The following DMD variants were observed in gnomAD, a reference collection of about 807,000 sequenced individuals.
The protein encoded by DMD is mutant dystrophin.
DMD carries 63 observed loss-of-function variants against 330.1 expected under a neutral mutation model. The observed-to-expected ratio is 0.19, with a 90% CI of 0.16 to 0.24. The LOEUF is 0.24. Ranked by LOEUF, DMD falls within the 10% of genes least tolerant of loss-of-function variation. The pLI, the probability that DMD is intolerant of heterozygous loss-of-function variation, is 1.00. For synonymous variants in DMD, 1,223 were observed against 959.8 expected (o/e 1.27, Z -5.07); for missense variants, 3,344 against 2,684.1 (o/e 1.25, Z -5.43).
intron 1 of DMD, among the ~76,000 whole-genome samples, chrX:33,176,893 T>C (rs138191903): frequency 1.7e-3 from 191 of 111,701 alleles, no homozygotes; most frequent in Middle Eastern, 4.6e-3. Flanking sequence ...GCCGAGATCA[T>C]GCCATTGCAC....
intron 44 of DMD, among the ~76,000 whole-genome samples, chrX:32,094,893 T>C (rs2096495886): frequency 9.0e-6 from 1 of 111,123 alleles, no homozygotes; most frequent in Non-Finnish European, 1.9e-5. Context: ...GAAATGATGG[T>C]TTTTGAGAGA....
chrX:32,187,889 A>G (rs2096954746), intron 44 of DMD, among the ~76,000 whole-genome samples: 1 of 111,372 alleles, frequency 9.0e-6, no homozygotes, highest in African/African-American at 3.2e-5. Context: ...CACAAAATGT[A>G]AATGTATTTC....
At chrX:31,364,885 TAGG>T (rs2059146327) in intron 60 of DMD, among the ~76,000 whole-genome samples, 1 of 109,889 alleles carries the variant, frequency 9.1e-6, no homozygotes, top group Non-Finnish European at 1.9e-5. Context: ...ATCACGAGAT[TAGG>T]AGATCGAGGC....
chrX:33,161,013 A>G (rs1400415993), intron 1 of DMD, among the ~76,000 whole-genome samples: 3 of 112,003 alleles, frequency 2.7e-5, no homozygotes, highest in African/African-American at 9.7e-5. Flanking sequence ...AACATATTCG[A>G]TATTCCAGAA....
intron 47 of DMD, among the ~76,000 whole-genome samples, chrX:31,884,019 A>G (rs1202609433): frequency 1.8e-5 from 2 of 111,858 alleles, no homozygotes; most frequent in Non-Finnish European, 1.9e-5. Context: ...AATGTGGAGA[A>G]AAGAGAACCC....
At chrX:32,613,752 G>C (rs1321431904) in intron 12 of DMD, among the ~76,000 whole-genome samples, 1 of 111,025 alleles carries the variant, frequency 9.0e-6, no homozygotes, top group Non-Finnish European at 1.9e-5. Context: ...AAATATGTTT[G>C]ATTTCTTTTC....
chrX:32,769,749 T>G (rs1363693376), intron 7 of DMD, among the ~76,000 whole-genome samples: 1 of 110,690 alleles, frequency 9.0e-6, no homozygotes, highest in Non-Finnish European at 1.9e-5. Flanking sequence ...GTACTACAGC[T>G]TATAGCCAAG....
At chrX:31,616,279 C>T (rs896694554) in intron 55 of DMD, among the ~76,000 whole-genome samples, 1 of 111,262 alleles carries the variant, frequency 9.0e-6, no homozygotes, top group African/African-American at 3.3e-5. Flanking sequence ...AGGGAAGATT[C>T]GAAAATGGCT....
intron 59 of DMD, among the ~76,000 whole-genome samples, chrX:31,451,279 CCTTT>C (rs2065724377): frequency 2.0e-5 from 1 of 51,047 alleles, no homozygotes; most frequent in African/African-American, 7.4e-5. Context: ...TCCTTTCTTT[CCTTT>C]TTTTTTTTTT....
intron 1 of DMD, among the ~76,000 whole-genome samples, chrX:33,093,138 G>A (rs1257570438): frequency 1.8e-5 from 2 of 111,990 alleles, no homozygotes; most frequent in African/African-American, 3.2e-5. Context: ...GCCTCCCAAA[G>A]TGTTGGGATT....
At chrX:33,205,538 T>C (rs1239139840) in intron 1 of DMD, among the ~76,000 whole-genome samples, 1 of 112,024 alleles carries the variant, frequency 8.9e-6, no homozygotes, top group Admixed American at 9.5e-5. Flanking sequence ...ACAAGTTGAG[T>C]GCAAATAAAG....
rs1021760849 is a variant in DMD at position 32,287,422 on chromosome X, T to A, written c.6290+107A>T. On this transcript the variant is annotated intron_variant, in intron 43 of 78. Coordinates refer to ENST00000357033, the MANE Select transcript of DMD (RefSeq NM_004006.3). ...TACCATTTTTCAATGAGAGTGATAC[T>A]TCTTTTTCCCTGTCTTTTTTCCATG... 158 of 778,858 alleles carry A rather than the reference T, an allele frequency of 2.0e-4. No homozygotes were observed. In the South Asian group the frequency reaches 2.6e-3, roughly 13 times the overall value. The allele number at this position is 778,858 out of a possible 1,213,427, so 64.2% of individuals were successfully genotyped here. A position where few individuals can be genotyped will look rare whatever the true frequency, so the allele number is the denominator to read the frequency against.
At chrX:32,907,979 T>C (rs1270315557) in intron 2 of DMD, among the ~76,000 whole-genome samples, 1 of 111,350 alleles carries the variant, frequency 9.0e-6, no homozygotes, top group African/African-American at 3.3e-5. Context: ...ACACATCTCT[T>C]TACGTTCCTC....
intron 43 of DMD, among the ~76,000 whole-genome samples, chrX:32,226,718 A>T (rs1210504866): frequency 9.0e-6 from 1 of 111,462 alleles, no homozygotes; most frequent in Admixed American, 9.6e-5. Context: ...AACCCAGAAT[A>T]ATACTGCCTA....
chrX:32,393,746 AAGAG>A (rs1407119939), intron 30 of DMD, among the ~76,000 whole-genome samples: 6 of 111,397 alleles, frequency 5.4e-5, no homozygotes, highest in Non-Finnish European at 1.1e-4. Context: ...GCACCAAATA[AAGAG>A]AAAGAACAGT....
At chrX:31,842,967 A>C (rs1037048394) in intron 48 of DMD, among the ~76,000 whole-genome samples, 2 of 111,819 alleles carry the variant, frequency 1.8e-5, no homozygotes, top group African/African-American at 6.5e-5. Flanking sequence ...GTGAGAACAA[A>C]GTGGTATTTG....
chrX:31,394,503 C>T (rs1009754469), intron 60 of DMD, among the ~76,000 whole-genome samples: 9 of 112,143 alleles, frequency 8.0e-5, no homozygotes, highest in African/African-American at 2.6e-4. Context: ...ACAATTAAAT[C>T]GATATTCCAG....
intron 43 of DMD, among the ~76,000 whole-genome samples, chrX:32,248,828 A>C (rs926138575): frequency 1.8e-5 from 2 of 111,403 alleles, no homozygotes; most frequent in African/African-American, 6.5e-5. Flanking sequence ...TTAAACATGA[A>C]AATAATAATG....
chrX:33,095,272 T>G (rs1215405700), intron 1 of DMD, among the ~76,000 whole-genome samples: 1 of 112,722 alleles, frequency 8.9e-6, no homozygotes, highest in Non-Finnish European at 1.9e-5. Context: ...ATTCCATTAC[T>G]TCTGCCAAAT....
Sources: allele counts gnomAD v4.1 joint callset (sites outside exome capture counted in the v4.1 genomes callset), GRCh38; gene constraint gnomAD v4.1.1; transcripts MANE v1.5; gene names NCBI Gene and HGNC (gene_info 2026-07-23, HGNC 2026-07-21).